The following DYM variants were observed in gnomAD, a reference collection of about 807,000 sequenced individuals.
DYM encodes the protein dymeclin, also known as dyggve-Melchior-Clausen syndrome protein.
DYM carries 78 observed loss-of-function variants against 93.1 expected under a neutral mutation model. The ratio of observed to expected loss-of-function variants is 0.84; its 90% CI spans 0.70 to 1.01. The LOEUF (loss-of-function observed/expected upper bound fraction) is 1.01. Ranked by LOEUF, DYM falls within the 50% of genes least tolerant of loss-of-function variation. The probability of loss-of-function intolerance (pLI) is 0.00; values close to 1 mark genes in which losing one functional copy is unlikely to be tolerated. For missense variants in DYM, 789 were observed against 845.0 expected (o/e 0.93, Z 0.82); for synonymous variants, 321 against 319.7 (o/e 1.00, Z -0.04).
intron 5 of DYM, among the ~76,000 whole-genome samples, chr18:49,377,779 T>C (rs543669551): frequency 6.4e-4 from 97 of 152,302 alleles, no homozygotes; most frequent in South Asian, 5.0e-3. Flanking sequence ...AAATTACTCC[T>C]AGGTATATGA....
At chr18:49,159,139 C>T (rs1450107468) in intron 15 of DYM, among the ~76,000 whole-genome samples, 1 of 152,056 alleles carries the variant, frequency 6.6e-6, no homozygotes, top group East Asian at 1.9e-4. Context: ...TTAACACTAG[C>T]TCAGTAAAGG....
rs764113221 is a variant in DYM at position 49,282,017 on chromosome 18, G to A, written c.1105C>T (p.Arg369Cys). Reference protein sequence around the residue: ...NSNIRTYMLARTDMENLVLPI... With the variant: ...NSNIRTYMLACTDMENLVLPI... Reference sequence around the variant, plus strand: ...CTTACAAGATTTTCCATATCTGTGCGAGCCAACATGTATGTTCTAATATTA... The same window carrying A: ...CTTACAAGATTTTCCATATCTGTGCAAGCCAACATGTATGTTCTAATATTA... The change falls in exon 10 of 18, where the codon CGC becomes TGC. Residue 369 changes from arginine to cysteine, a missense_variant. This residue lies in a region of DYM where 450 missense variants were observed against 436.2 expected (regional missense o/e 1.03). Transcript: ENST00000675505. 33 of 1,613,610 alleles carry A rather than the reference G, an allele frequency of 2.0e-5. No homozygotes were observed. The highest frequency in any genetic ancestry group is 2.0e-4 in the Admixed American group (12 of 59,978).
At position 49,198,319 on chromosome 18, in the gene DYM, G is replaced by A. The variant is rs1411127403; in HGVS notation, c.1625+11232C>T. Reference sequence around the variant, plus strand: ...GCAATACCATTCAGGACATAGGCATGGGCAAGGACTTCATGTCTAAAACAC... The same window carrying A: ...GCAATACCATTCAGGACATAGGCATAGGCAAGGACTTCATGTCTAAAACAC... On this transcript the variant is annotated intron_variant, in intron 14 of 17. Transcript: ENST00000675505. Among the ~76,000 whole-genome samples, 11 of 152,216 alleles carry A rather than the reference G, an allele frequency of 7.2e-5. No homozygotes were observed. The East Asian group carries it at 1.2e-3, about 16-fold the overall frequency.
At chr18:49,393,098 A>AGG (rs2069570271) in intron 2 of DYM, among the ~76,000 whole-genome samples, 34 of 1,208 alleles carry the variant, frequency 0.028, 3 homozygotes, top group Admixed American at 0.047. Context: ...GGAGGGAAGG[A>AGG]AGGAAGGAAG....
intron 3 of DYM, among the ~76,000 whole-genome samples, chr18:49,383,039 A>G (rs2068209361): frequency 6.6e-6 from 1 of 152,214 alleles, no homozygotes; most frequent in Non-Finnish European, 1.5e-5. Flanking sequence ...ACGCAAGGAT[A>G]CAATGAACAA....
chr18:49,425,064 A>G (rs1600152885), intron 2 of DYM, among the ~76,000 whole-genome samples: 1 of 152,184 alleles, frequency 6.6e-6, no homozygotes, highest in Non-Finnish European at 1.5e-5. Flanking sequence ...ATGTAGAATC[A>G]AAAAAGAGCC....
At chr18:49,049,623 T>C (rs1051593757) in intron 17 of DYM, 1 of 153,440 alleles carries the variant, frequency 6.5e-6, no homozygotes, top group Non-Finnish European at 1.5e-5. Flanking sequence ...ACTTAATGAA[T>C]GTTGGCTATT....
chr18:49,456,124 T>C (rs1274994588), intron 1 of DYM, among the ~76,000 whole-genome samples: 1 of 152,084 alleles, frequency 6.6e-6, no homozygotes, highest in East Asian at 1.9e-4. Context: ...GTTAGGAACA[T>C]GGAAATTTTA....
intron 15 of DYM, among the ~76,000 whole-genome samples, chr18:49,146,726 A>C (rs893839063): frequency 2.1e-4 from 32 of 152,300 alleles, no homozygotes; most frequent in Admixed American, 1.2e-3. Context: ...ACATTCTATG[A>C]TCATGGGTAG....
At chr18:49,088,510 T>C (rs2078758692) in intron 17 of DYM, among the ~76,000 whole-genome samples, 1 of 148,366 alleles carries the variant, frequency 6.7e-6, no homozygotes, top group African/African-American at 2.5e-5. Flanking sequence ...TGTATACATA[T>C]GTAACAAACC....
At chr18:49,156,174 G>A (rs189153809) in intron 15 of DYM, among the ~76,000 whole-genome samples, 27 of 152,196 alleles carry the variant, frequency 1.8e-4, no homozygotes, top group Non-Finnish European at 3.1e-4. Flanking sequence ...GTGCTAATTG[G>A]CCACTTTTTA....
chr18:49,258,612 A>T (rs1046089307), intron 11 of DYM, 119 bp from the exon 12 acceptor site: 24 of 710,090 alleles, frequency 3.4e-5, no homozygotes, highest in Non-Finnish European at 5.5e-5. Flanking sequence ...TAAGCAGCAC[A>T]GACAGAGGCC....
chr18:49,286,035 T>A (rs553586304), intron 9 of DYM, among the ~76,000 whole-genome samples: 5 of 152,322 alleles, frequency 3.3e-5, no homozygotes, highest in Non-Finnish European at 1.5e-5. Flanking sequence ...GTTTTCTGAT[T>A]TGTGTTCTAA....
chr18:49,250,590 T>A (rs928857055), intron 13 of DYM, among the ~76,000 whole-genome samples: 2 of 152,114 alleles, frequency 1.3e-5, no homozygotes, highest in African/African-American at 4.8e-5. Context: ...ATGAAACAAC[T>A]ATGTTAGCAG....
chr18:49,335,979 A>G (rs2063638182), intron 6 of DYM, among the ~76,000 whole-genome samples: 1 of 151,978 alleles, frequency 6.6e-6, no homozygotes, highest in Non-Finnish European at 1.5e-5. Flanking sequence ...ATGCCCAGCT[A>G]ATTTTTGTCT....
At chr18:49,048,016 G>A (rs2071858863) in intron 17 of DYM, 1 of 152,322 alleles carries the variant, frequency 6.6e-6, no homozygotes, top group South Asian at 2.1e-4. Flanking sequence ...GCAGCCTGCT[G>A]GAGTGGAGTC....
chr18:49,252,622 T>C (rs886617023), intron 13 of DYM, among the ~76,000 whole-genome samples: 1 of 152,030 alleles, frequency 6.6e-6, no homozygotes, highest in African/African-American at 2.4e-5. Flanking sequence ...TGACAGTAGA[T>C]AAAGTCATAG....
chr18:49,333,885 C>T (rs1196911000), intron 6 of DYM, 32 bp from the exon 7 acceptor site: 1 of 1,587,754 alleles, frequency 6.3e-7, no homozygotes, highest in Non-Finnish European at 8.6e-7. Context: ...GTAACAGTCA[C>T]TTTGGAAGAT....
intron 2 of DYM, among the ~76,000 whole-genome samples, chr18:49,411,745 C>A (rs1406808713): frequency 1.3e-5 from 2 of 152,142 alleles, no homozygotes; most frequent in African/African-American, 4.8e-5. Flanking sequence ...CCATAAAATT[C>A]TTTCAAAACT....
Sources: gnomAD v4.1 joint callset for allele counts (sites outside exome capture counted in the v4.1 genomes callset) on GRCh38, gnomAD v4.1.1 for gene constraint, gnomAD v4.1.1 regional missense constraint, MANE v1.5 for transcripts, NCBI Gene and HGNC (gene_info 2026-07-23, HGNC 2026-07-21) for gene names.